BIN3: variants seen among roughly 807,000 people sequenced by gnomAD.
BIN3 encodes the protein bridging integrator 3.
In BIN3, 41 loss-of-function variants were observed where a neutral mutation model predicts 38.2. The ratio of observed to expected loss-of-function variants is 1.07; its 90% CI spans 0.84 to 1.39. BIN3 has a LOEUF of 1.39. Among genes scored for constraint, BIN3 ranks in the 40% most tolerant of loss-of-function variants. The probability of loss-of-function intolerance (pLI) is 0.00; values close to 1 mark genes in which losing one functional copy is unlikely to be tolerated. For missense variants in BIN3, 361 were observed against 324.3 expected (o/e 1.11, Z -0.87); for synonymous variants, 145 against 122.6 (o/e 1.18, Z -1.21).
chr8:22,643,755 G>C (rs1802634438), intron 2 of BIN3, among the ~76,000 whole-genome samples: 1 of 152,232 alleles, frequency 6.6e-6, no homozygotes, highest in Non-Finnish European at 1.5e-5. Flanking sequence ...GCCAAGGAGG[G>C]GAGAAGCTAG....
chr8:22,630,030 T>C, intron 5 of BIN3, 26 bp from the exon 6 acceptor site: 2 of 1,600,964 alleles, frequency 1.2e-6, no homozygotes, highest in Non-Finnish European at 1.7e-6. Context: ...CCAAAGACAT[T>C]AAAACTGGTG....
At chr8:22,649,400 A>G (rs2117569918) in intron 1 of BIN3, among the ~76,000 whole-genome samples, 1 of 152,164 alleles carries the variant, frequency 6.6e-6, no homozygotes, top group Non-Finnish European at 1.5e-5. Flanking sequence ...GAGAAACAGT[A>G]ACTTTAAAAC....
chr8:22,630,565 A>G lies in BIN3; in HGVS notation c.174T>C (p.Ser58=). The G allele has an allele frequency of 6.2e-7, 1 of 1,613,938 alleles. No individual in the cohort carries two copies. The highest frequency in any genetic ancestry group is 2.2e-5 in the East Asian group (1 of 44,882). ...STDADLAMSK[S]AVKISLDLLS... is the part of the protein sequence containing the mutation. The stretch of plus-strand genomic sequence containing the variant: ...GTAAGTCCAAGGATATCTTCACGGC[A>G]GATTTTGACATGGCTGTGGGAAGCC... The change falls in exon 5 of 9, where the codon TCT becomes TCC. Residue 58 remains serine, a synonymous_variant. Coordinates refer to ENST00000276416, the MANE Select transcript of BIN3 (RefSeq NM_018688.6).
intron 1 of BIN3, among the ~76,000 whole-genome samples, chr8:22,666,969 G>A (rs958209864): frequency 6.6e-6 from 1 of 152,284 alleles, no homozygotes; most frequent in South Asian, 2.1e-4. Context: ...GAATCAGAAG[G>A]ACCCAGCCCC....
At chr8:22,627,448 C>G (rs1323452344) in intron 6 of BIN3, among the ~76,000 whole-genome samples, 1 of 152,210 alleles carries the variant, frequency 6.6e-6, no homozygotes, top group Non-Finnish European at 1.5e-5. Context: ...TGCCACGGTG[C>G]TGTGTGGGAT....
At chr8:22,636,403 A>G (rs540018127) in intron 4 of BIN3, 122 bp downstream of exon 4, 22 of 1,022,762 alleles carry the variant, frequency 2.2e-5, no homozygotes, top group African/African-American at 3.2e-5. Flanking sequence ...GCTGCTTCTC[A>G]GGACACTGGG....
At chr8:22,636,628 C>T (rs1303803969) in intron 3 of BIN3, 42 bp from the exon 4 acceptor site, 2 of 1,545,924 alleles carry the variant, frequency 1.3e-6, no homozygotes, top group African/African-American at 2.7e-5. Flanking sequence ...CCCTTCCTTC[C>T]CCCTACCTGA....
intron 1 of BIN3, among the ~76,000 whole-genome samples, chr8:22,652,764 G>C (rs62494265): frequency 6.6e-6 from 1 of 152,156 alleles, no homozygotes; most frequent in Non-Finnish European, 1.5e-5. Flanking sequence ...GCTAATAAAT[G>C]ACACAAACAT....
chr8:22,653,164 T>C (rs1347358068), intron 1 of BIN3, among the ~76,000 whole-genome samples: 1 of 152,214 alleles, frequency 6.6e-6, no homozygotes, highest in Non-Finnish European at 1.5e-5. Flanking sequence ...TGTCTGTCTT[T>C]GAAGGAGGGC....
At chr8:22,661,880 T>A (rs1803248020) in intron 1 of BIN3, among the ~76,000 whole-genome samples, 1 of 152,086 alleles carries the variant, frequency 6.6e-6, no homozygotes, top group African/African-American at 2.4e-5. Flanking sequence ...AATCTCCACC[T>A]CCCAGGTTCA....
chr8:22,642,854 T>C (rs981912404), intron 2 of BIN3, among the ~76,000 whole-genome samples: 3 of 152,124 alleles, frequency 2.0e-5, no homozygotes, highest in Admixed American at 2.0e-4. Flanking sequence ...AGAGAGCAGA[T>C]GCCATAATCA....
intron 2 of BIN3, among the ~76,000 whole-genome samples, chr8:22,643,427 C>T (rs1209460638): frequency 6.6e-6 from 1 of 152,182 alleles, no homozygotes; most frequent in Non-Finnish European, 1.5e-5. Context: ...AACTCGTGCG[C>T]TCAAGCAGTC....
intron 1 of BIN3, among the ~76,000 whole-genome samples, chr8:22,664,154 G>A (rs1167361581): frequency 6.6e-6 from 1 of 152,156 alleles, no homozygotes; most frequent in Non-Finnish European, 1.5e-5. Context: ...AATTCTAATA[G>A]GTTTAACAGC....
intron 1 of BIN3, among the ~76,000 whole-genome samples, chr8:22,659,031 G>A (rs1021176995): frequency 6.6e-6 from 1 of 152,236 alleles, no homozygotes; most frequent in African/African-American, 2.4e-5. Context: ...GCCCCACAAG[G>A]CCACCACCAC....
At chr8:22,643,652 T>C (rs144918902) in intron 2 of BIN3, among the ~76,000 whole-genome samples, 1 of 152,210 alleles carries the variant, frequency 6.6e-6, no homozygotes, top group Non-Finnish European at 1.5e-5. Flanking sequence ...GTGACCTTAC[T>C]CTGGATTTGC....
intron 1 of BIN3, among the ~76,000 whole-genome samples, chr8:22,648,928 T>TATGTATGTATGTATGC (rs1802795675): frequency 6.6e-6 from 1 of 152,010 alleles, no homozygotes; most frequent in African/African-American, 2.4e-5. Context: ...TGTATGTATG[T>TATGTATGTATGTATGC]ATGTATGTAT....
At chr8:22,659,433 T>C (rs1462727611) in intron 1 of BIN3, among the ~76,000 whole-genome samples, 1 of 152,200 alleles carries the variant, frequency 6.6e-6, no homozygotes, top group African/African-American at 2.4e-5. Context: ...AGAACAATCT[T>C]CCAGCTCAGC....
intron 1 of BIN3, among the ~76,000 whole-genome samples, chr8:22,649,324 A>T (rs1461396098): frequency 1.3e-5 from 2 of 152,218 alleles, no homozygotes; most frequent in African/African-American, 4.8e-5. Context: ...CTTATTTGGC[A>T]TTTAAAAAAT....
intron 6 of BIN3, 62 bp downstream of exon 6, chr8:22,629,902 A>G: frequency 6.8e-7 from 1 of 1,464,242 alleles, no homozygotes. Context: ...TTCAGTCCCC[A>G]AGTGGCTGCT....
Sources: allele counts gnomAD v4.1 joint callset (sites outside exome capture counted in the v4.1 genomes callset), GRCh38; gene constraint gnomAD v4.1.1; transcripts MANE v1.5; gene names NCBI Gene and HGNC (gene_info 2026-07-23, HGNC 2026-07-21).